The following HIVEP3 variants were observed in gnomAD, a reference collection of about 807,000 sequenced individuals.
HIVEP3 encodes the protein transcription factor HIVEP3.
Under a neutral mutation model 152.8 loss-of-function variants are expected in HIVEP3, and 49 were observed. That is an observed-to-expected ratio of 0.32 (90% confidence interval 0.26 to 0.41). The LOEUF (loss-of-function observed/expected upper bound fraction) is 0.41. Ranked by LOEUF, HIVEP3 falls within the 10% of genes least tolerant of loss-of-function variation. HIVEP3 has a pLI of 1.00. For missense variants in HIVEP3, 2,790 were observed against 3,103.3 expected (o/e 0.90, Z 2.40); for synonymous variants, 1,269 against 1,289.0 (o/e 0.98, Z 0.33).
chr1:41,902,469 C>G (rs906637587), intron 1 of HIVEP3, among the ~76,000 whole-genome samples: 1 of 152,130 alleles, frequency 6.6e-6, no homozygotes, highest in Non-Finnish European at 1.5e-5. Flanking sequence ...CACCCCCACC[C>G]CCCACTGCCA....
At chr1:41,865,667 CT>C (rs1643956493) in intron 1 of HIVEP3, 2 of 152,174 alleles carry the variant, frequency 1.3e-5, no homozygotes, top group African/African-American at 4.8e-5. Flanking sequence ...CCAGGGAACT[CT>C]AGATTGGAAT....
chr1:41,664,031 C>T lies in HIVEP3; in HGVS notation c.-720-35084G>A, dbSNP rs972624361. ...ATTTGCCCAGCCACCACCCCCAACA[C>T]GCACCACTTTGCACCAGTTTCCACT... is the stretch of plus-strand genomic sequence containing the variant. On this transcript the variant is annotated intron_variant, in intron 2 of 8. Coordinates refer to ENST00000372583, the MANE Select transcript of HIVEP3 (RefSeq NM_024503.5). The surrounding 1 kb of genome is among the most constrained non-coding windows in gnomAD (Gnocchi z 4.4). Among the ~76,000 whole-genome samples, 8 of 152,222 alleles carry T rather than the reference C, an allele frequency of 5.3e-5. No individual in the cohort carries two copies. The highest frequency in any genetic ancestry group is 1.9e-4 in the East Asian group (1 of 5,194).
chr1:41,569,788 G>A (rs912596522), intron 5 of HIVEP3, among the ~76,000 whole-genome samples: 4 of 152,152 alleles, frequency 2.6e-5, no homozygotes, highest in Admixed American at 1.3e-4. Flanking sequence ...AACGTGCTGC[G>A]TACACTGCAT....
intron 5 of HIVEP3, among the ~76,000 whole-genome samples, chr1:41,562,049 C>T (rs1208055915): frequency 6.6e-6 from 1 of 152,160 alleles, no homozygotes; most frequent in Non-Finnish European, 1.5e-5. Flanking sequence ...AAGGAAGACT[C>T]CCTTTGCTGA....
At chr1:41,528,073 TACCCTTGC>T (rs1643064129) in intron 5 of HIVEP3, among the ~76,000 whole-genome samples, 1 of 84,134 alleles carries the variant, frequency 1.2e-5, no homozygotes, top group African/African-American at 4.8e-5. Context: ...TTCACACTCA[TACCCTTGC>T]CCTCACACCT....
chr1:41,743,681 A>C (rs1647029443), intron 1 of HIVEP3, among the ~76,000 whole-genome samples: 1 of 152,136 alleles, frequency 6.6e-6, no homozygotes, highest in South Asian at 2.1e-4. Flanking sequence ...TCTGACTCAT[A>C]AAAGCTTCTC....
chr1:41,808,987 C>T (rs1333323095), intron 1 of HIVEP3, among the ~76,000 whole-genome samples: 1 of 152,126 alleles, frequency 6.6e-6, no homozygotes, highest in African/African-American at 2.4e-5. Context: ...AACTGAAGAT[C>T]AGAAAAGTTA....
chr1:41,974,904 G>A (rs554393656), intron 1 of HIVEP3, among the ~76,000 whole-genome samples: 6 of 152,072 alleles, frequency 3.9e-5, no homozygotes, highest in South Asian at 2.1e-4. Flanking sequence ...TTATCTCCAC[G>A]CAACCTGCCC....
intron 1 of HIVEP3, among the ~76,000 whole-genome samples, chr1:41,876,262 T>G (rs1644169660): frequency 3.9e-5 from 6 of 152,108 alleles, no homozygotes; most frequent in Admixed American, 3.9e-4. Flanking sequence ...GTTTTGGGAG[T>G]CACAGTGTTG....
At chr1:41,830,406 G>A (rs1339260509) in intron 1 of HIVEP3, among the ~76,000 whole-genome samples, 2 of 152,160 alleles carry the variant, frequency 1.3e-5, no homozygotes, top group African/African-American at 4.8e-5. Context: ...TACATCTTTG[G>A]TGCCCTGATG....
chr1:41,791,603 T>C (rs1456515873), intron 1 of HIVEP3, among the ~76,000 whole-genome samples: 1 of 92,226 alleles, frequency 1.1e-5, no homozygotes, highest in East Asian at 2.6e-4. Context: ...AGAGAGAAGT[T>C]GCCTGGGAAT....
intron 5 of HIVEP3, among the ~76,000 whole-genome samples, chr1:41,562,337 G>A (rs554008699): frequency 1.3e-5 from 2 of 152,196 alleles, no homozygotes; most frequent in African/African-American, 2.4e-5. Flanking sequence ...TAGGCTCCTG[G>A]GGTCTGGGGG....
rs1249358154 is a variant in HIVEP3, at chr1:41,582,467, A to G, written c.2331T>C (p.Thr777=). ...ATTCTGAACCGGACCCTGGCTTGGG[A>G]GTCCTTGGCTGGAAGCCCGTGGGTC... is the stretch of plus-strand genomic sequence containing the variant. The part of the protein sequence containing the change: ...LEGPTGFQPR[T]PKPGSGSESG... The change falls in exon 4 of 9, where the codon ACT becomes ACC. Residue 777 remains threonine, a synonymous_variant. Coordinates refer to ENST00000372583, the MANE Select transcript of HIVEP3 (RefSeq NM_024503.5). This position sits in a 1 kb window ranked among gnomAD's most constrained non-coding sequence, Gnocchi z 4.7. 6.2e-7 allele frequency: 1 copy of G among 1,613,578 alleles called. No individual in the cohort carries two copies. Among genetic ancestry groups the G allele is most frequent in the Non-Finnish European group, 8.5e-7 (1 of 1,179,564 alleles).
intron 1 of HIVEP3, among the ~76,000 whole-genome samples, chr1:41,718,414 G>A (rs1303746900): frequency 6.6e-6 from 1 of 152,234 alleles, no homozygotes; most frequent in Non-Finnish European, 1.5e-5. Flanking sequence ...AATGGTTGTC[G>A]TGAGAATTAA....
chr1:41,680,369 C>T (rs772622943), intron 2 of HIVEP3, among the ~76,000 whole-genome samples: 2 of 152,182 alleles, frequency 1.3e-5, no homozygotes, highest in Non-Finnish European at 2.9e-5. Context: ...GGGAGTCACT[C>T]AGAGTGCTAA....
At chr1:41,634,678 G>A (rs970927882) in intron 2 of HIVEP3, among the ~76,000 whole-genome samples, 2 of 152,082 alleles carry the variant, frequency 1.3e-5, no homozygotes, top group African/African-American at 2.4e-5. Context: ...AAATGGTAAC[G>A]AAAATAATGC....
At chr1:41,772,879 C>T (rs1316001692) in intron 1 of HIVEP3, among the ~76,000 whole-genome samples, 1 of 152,108 alleles carries the variant, frequency 6.6e-6, no homozygotes, top group East Asian at 1.9e-4. Context: ...GCACTCCAAC[C>T]GGGGTGACAG....
intron 1 of HIVEP3, among the ~76,000 whole-genome samples, chr1:41,702,910 C>A (rs1374539766): frequency 6.6e-6 from 1 of 152,236 alleles, no homozygotes; most frequent in African/African-American, 2.4e-5. Flanking sequence ...TGGAGCCAGG[C>A]TGCAGGACTG....
intron 1 of HIVEP3, among the ~76,000 whole-genome samples, chr1:41,749,726 C>A (rs372651490): frequency 3.5e-5 from 5 of 142,702 alleles, no homozygotes; most frequent in African/African-American, 1.2e-4. Flanking sequence ...AGACATCTCG[C>A]TTTCTAGCCC....
Sources: allele counts gnomAD v4.1 joint callset (sites outside exome capture counted in the v4.1 genomes callset), GRCh38; gene constraint gnomAD v4.1.1; non-coding constraint Gnocchi (gnomAD v3.1); transcripts MANE v1.5; gene names NCBI Gene and HGNC (gene_info 2026-07-23, HGNC 2026-07-21).